The following GRB10 variants were observed in gnomAD, a reference collection of about 807,000 sequenced individuals.
The protein encoded by GRB10 is growth factor receptor bound protein 10, also known as growth factor receptor-bound protein 10.
Under a neutral mutation model 80.9 loss-of-function variants are expected in GRB10, and 20 were observed. The ratio of observed to expected loss-of-function variants is 0.25; its 90% confidence interval spans 0.17 to 0.36. The LOEUF is 0.36. Ranked by LOEUF, GRB10 falls within the 10% of genes least tolerant of loss-of-function variation. The pLI, the probability that GRB10 is intolerant of heterozygous loss-of-function variation, is 1.00. For synonymous variants in GRB10, 291 were observed against 291.5 expected (o/e 1.00, Z 0.02); for missense variants, 548 against 747.7 (o/e 0.73, Z 3.12).
intron 2 of GRB10, among the ~76,000 whole-genome samples, chr7:50,762,559 G>A (rs1042948887): frequency 3.9e-5 from 6 of 152,170 alleles, no homozygotes; most frequent in African/African-American, 1.4e-4. Flanking sequence ...AATGCAGCCA[G>A]AGGTGAATGA....
At position 50,590,545 on chromosome 7, in the gene GRB10, T is replaced by G. The variant is rs754915352; in HGVS notation, c.*2407A>C. 1 of 152,684 alleles carries G rather than the reference T, an allele frequency of 6.5e-6. No individual in the cohort carries two copies. The highest frequency in any genetic ancestry group is 1.5e-5 in the Non-Finnish European group (1 of 68,052). The allele number at this position is 152,684 out of a possible 1,614,324, so 9.5% of individuals were successfully genotyped here. ...TCTCAACTTCGTCCTGGTTGCTACATGGAGTTTCATTTAGAAAAGAAAATC... is the reference window on the plus strand; with the variant it reads ...TCTCAACTTCGTCCTGGTTGCTACAGGGAGTTTCATTTAGAAAAGAAAATC... On this transcript the variant is annotated 3_prime_UTR_variant, in exon 19 of 19. Transcript: ENST00000401949.
chr7:50,593,973 CCTTT>C (rs145010378), intron 18 of GRB10, among the ~76,000 whole-genome samples: 22,315 of 151,574 alleles, frequency 0.15, 1,870 homozygotes, highest in Non-Finnish European at 0.2. Flanking sequence ...ACGAAAGCCC[CCTTT>C]CTTTCTTTTT....
At chr7:50,733,733 G>C (rs1440737851) in intron 3 of GRB10, among the ~76,000 whole-genome samples, 2 of 152,244 alleles carry the variant, frequency 1.3e-5, no homozygotes, top group East Asian at 1.9e-4. Context: ...CCTCGGGGTA[G>C]CTGGTGTTAC....
chr7:50,674,612 G>T lies in GRB10; in HGVS notation c.186C>A (p.Ser62=). ...LEALVNDMNA[S]LESLYSACSM... ...TGCAGGCCGAGTACAGGCTCTCCAG[G>T]GATGCATTCATATCGTTCACCAGGG... The change falls in exon 6 of 19, where the codon TCC becomes TCA. Residue 62 remains serine, a synonymous_variant. Transcript: ENST00000401949. 1 of 1,613,788 alleles carries T rather than the reference G, an allele frequency of 6.2e-7. No individual in the cohort carries two copies. The highest frequency in any genetic ancestry group is 8.5e-7 in the Non-Finnish European group (1 of 1,180,036).
chr7:50,709,562 T>TTC (rs1400485024), intron 4 of GRB10, among the ~76,000 whole-genome samples: 1 of 150,740 alleles, frequency 6.6e-6, no homozygotes, highest in Non-Finnish European at 1.5e-5. Context: ...AAACTCTTTT[T>TTC]TTTTGCTCCC....
At chr7:50,632,408 C>T (rs367785264) in intron 7 of GRB10, among the ~76,000 whole-genome samples, 2 of 152,176 alleles carry the variant, frequency 1.3e-5, no homozygotes, top group East Asian at 1.9e-4. Context: ...GGTCTCAGCT[C>T]CCCAGGACGC....
chr7:50,746,214 C>T (rs1017205580), intron 3 of GRB10, among the ~76,000 whole-genome samples: 1 of 152,174 alleles, frequency 6.6e-6, no homozygotes. Context: ...TTAAGAATCT[C>T]CTTACAACTT....
intron 7 of GRB10, among the ~76,000 whole-genome samples, chr7:50,648,315 C>A (rs1410526929): frequency 6.6e-6 from 1 of 152,048 alleles, no homozygotes; most frequent in African/African-American, 2.4e-5. Context: ...GACAGAGAAC[C>A]CCGCTGGCTT....
intron 4 of GRB10, among the ~76,000 whole-genome samples, chr7:50,718,500 C>T (rs984223985): frequency 1.3e-5 from 2 of 152,236 alleles, no homozygotes; most frequent in African/African-American, 4.8e-5. Context: ...CTCACTGCTG[C>T]TTCCTGAGCA....
chr7:50,604,177 C>T, intron 16 of GRB10, 92 bp from the exon 17 acceptor site: 2 of 1,295,366 alleles, frequency 1.5e-6, no homozygotes, highest in Non-Finnish European at 1.1e-6. Context: ...AACTCAGAGC[C>T]CCTGACTCCC....
At chr7:50,711,028 C>G (rs988652454) in intron 4 of GRB10, 1 of 823,420 alleles carries the variant, frequency 1.2e-6, no homozygotes, top group African/African-American at 1.7e-5. Flanking sequence ...AATAACTCCA[C>G]TAAGGTAAAC....
intron 7 of GRB10, among the ~76,000 whole-genome samples, chr7:50,635,102 A>G (rs2054703398): frequency 6.6e-6 from 1 of 152,248 alleles, no homozygotes; most frequent in Non-Finnish European, 1.5e-5. Context: ...TCATCTGCAC[A>G]TCAAACAAAA....
At chr7:50,718,616 T>G (rs775182436) in intron 4 of GRB10, among the ~76,000 whole-genome samples, 19 of 152,090 alleles carry the variant, frequency 1.2e-4, no homozygotes, top group Admixed American at 1.3e-4. Context: ...CATCTAATAT[T>G]TCAGTTTTTG....
rs530188386 is a variant in GRB10 at position 50,746,130 on chromosome 7, C to T, written c.-47+9757G>A. Among the ~76,000 whole-genome samples the T allele has an allele frequency of 6.6e-5, 10 of 152,226 alleles. No homozygotes were observed. The East Asian group carries it at 1.9e-3, about 29-fold the overall frequency. On this transcript the variant is annotated intron_variant, in intron 3 of 18. Transcript: ENST00000401949. ...TCTTCATAATCTGTACAGATGGTTCCCAACTTGACAATGGTTCAACTCAGG... is the reference window on the plus strand; with the variant it reads ...TCTTCATAATCTGTACAGATGGTTCTCAACTTGACAATGGTTCAACTCAGG...
At chr7:50,662,948 T>C (rs2059427442) in intron 7 of GRB10, among the ~76,000 whole-genome samples, 1 of 152,232 alleles carries the variant, frequency 6.6e-6, no homozygotes, top group African/African-American at 2.4e-5. Context: ...GGGAATCTAC[T>C]TCAACCTTTA....
chr7:50,590,580 G>A lies in GRB10; in HGVS notation c.*2372C>T, dbSNP rs2045732698. The A allele has an allele frequency of 6.6e-6, 1 of 152,654 alleles. No individual in the cohort carries two copies. Among genetic ancestry groups the A allele is most frequent in the Admixed American group, 6.5e-5 (1 of 15,282 alleles). 9.5% of individuals were successfully genotyped at this position (152,654 alleles called of 1,614,324 possible). A position where few individuals can be genotyped will look rare whatever the true frequency, so the allele number is the denominator to read the frequency against. ...TTTAGAAAAGAAAATCACAGGCAGA[G>A]ATACAAAGTCAACAGGCTCCAAAAC... On this transcript the variant is annotated 3_prime_UTR_variant, in exon 19 of 19. Transcript: ENST00000401949.
rs1007520405 is a variant in GRB10, at chr7:50,741,043, T to C, written c.-46-8675A>G. ...TAATTGATAATGAATAAAAACAGTATTATCCTCCAAACAGCAAAGTATCAA... is the reference window on the plus strand; with the variant it reads ...TAATTGATAATGAATAAAAACAGTACTATCCTCCAAACAGCAAAGTATCAA... On this transcript the variant is annotated intron_variant, in intron 3 of 18. Coordinates refer to ENST00000401949, the MANE Select transcript of GRB10 (RefSeq NM_001350814.2). 5.3e-5 allele frequency among the ~76,000 whole-genome samples: 8 copies of C among 152,124 alleles called. No homozygotes were observed. In the East Asian group the frequency reaches 9.6e-4, roughly 18 times the overall value.
At chr7:50,680,034 A>G (rs2061379681) in intron 5 of GRB10, among the ~76,000 whole-genome samples, 1 of 152,270 alleles carries the variant, frequency 6.6e-6, no homozygotes, top group Non-Finnish European at 1.5e-5. Context: ...AAGTAGAATA[A>G]GAAAACCAGG....
Position 50,614,944 on chromosome 7 carries a change from G to A in GRB10, c.985-64C>T, listed in dbSNP as rs554657697. 3.9e-4 allele frequency: 382 copies of A among 985,876 alleles called. 2 individuals carry two copies. Among genetic ancestry groups the A allele is most frequent in the Non-Finnish European group, 5.2e-4 (317 of 608,114 alleles). The allele number at this position is 985,876 out of a possible 1,614,324, so 61.1% of individuals were successfully genotyped here. On this transcript the variant is annotated intron_variant, in intron 11 of 18. Transcript: ENST00000401949. ...CAAAGAGCAAATGTGTTCACCTCTG[G>A]TAGACAGAGGGCAGTCTCTGCACAC...
Sources: gnomAD v4.1 joint callset for allele counts (sites outside exome capture counted in the v4.1 genomes callset) on GRCh38, gnomAD v4.1.1 for gene constraint, MANE v1.5 for transcripts, NCBI Gene and HGNC (gene_info 2026-07-23, HGNC 2026-07-21) for gene names.